DDAH1: variants seen among roughly 807,000 people sequenced by gnomAD.
The protein encoded by DDAH1 is N(G),N(G)-dimethylarginine dimethylaminohydrolase 1.
Under a neutral mutation model 28.8 loss-of-function variants are expected in DDAH1, and 19 were observed. That is an observed-to-expected ratio of 0.66 (90% CI 0.46 to 0.97). The LOEUF (loss-of-function observed/expected upper bound fraction) is 0.97. Ranked by LOEUF, DDAH1 falls within the 50% of genes least tolerant of loss-of-function variation. The pLI is 0.00. For missense variants in DDAH1, 326 were observed against 375.9 expected (o/e 0.87, Z 1.10); for synonymous variants, 153 against 154.4 (o/e 0.99, Z 0.07).
intron 1 of DDAH1, chr1:85,577,944 A>G (rs147449283): frequency 2.0e-6 from 2 of 984,944 alleles, no homozygotes; most frequent in African/African-American, 3.5e-5. Context: ...AGAAACTAGC[A>G]AAAGAGCCAT....
chr1:85,437,130 C>T (rs1653977216), intron 1 of DDAH1, among the ~76,000 whole-genome samples: 1 of 152,110 alleles, frequency 6.6e-6, no homozygotes, highest in South Asian at 2.1e-4. Flanking sequence ...CTGCCTGCCA[C>T]CAGCCCCTCC....
chr1:85,540,249 C>A (rs374869497), intron 1 of DDAH1, among the ~76,000 whole-genome samples: 2 of 152,034 alleles, frequency 1.3e-5, no homozygotes, highest in African/African-American at 4.8e-5. Context: ...GGGGTTACAC[C>A]TTTTAGTCTT....
chr1:85,419,697 T>C (rs948880810), intron 1 of DDAH1, among the ~76,000 whole-genome samples: 3 of 152,156 alleles, frequency 2.0e-5, no homozygotes, highest in Non-Finnish European at 4.4e-5. Context: ...CTTACGTTAG[T>C]ATGATGCATT....
At chr1:85,350,331 G>T in intron 4 of DDAH1, 84 bp downstream of exon 4, 1 of 1,533,508 alleles carries the variant, frequency 6.5e-7, no homozygotes, top group South Asian at 1.3e-5. Context: ...AACCCTGCTT[G>T]TTACTCCCCC....
intron 1 of DDAH1, among the ~76,000 whole-genome samples, chr1:85,502,222 C>A (rs1243435551): frequency 6.6e-6 from 1 of 152,166 alleles, no homozygotes; most frequent in Non-Finnish European, 1.5e-5. Context: ...TTGTTTCTTC[C>A]TCAGAGCTTA....
At chr1:85,329,341 T>C (rs192991063) in intron 4 of DDAH1, among the ~76,000 whole-genome samples, 2 of 152,348 alleles carry the variant, frequency 1.3e-5, no homozygotes, top group Admixed American at 1.3e-4. Flanking sequence ...CCTCACCTCC[T>C]TGAGTGAACA....
intron 1 of DDAH1, among the ~76,000 whole-genome samples, chr1:85,567,787 T>C (rs1280432493): frequency 6.6e-6 from 1 of 152,098 alleles, no homozygotes; most frequent in African/African-American, 2.4e-5. Context: ...TAGTTGGAGA[T>C]TTCAATATTC....
At chr1:85,507,541 G>A (rs879088309) in intron 1 of DDAH1, among the ~76,000 whole-genome samples, 1 of 84,086 alleles carries the variant, frequency 1.2e-5, no homozygotes, top group African/African-American at 4.1e-5. Flanking sequence ...CAAACAAACA[G>A]CATCTCCTAA....
intron 1 of DDAH1, among the ~76,000 whole-genome samples, chr1:85,507,770 G>A (rs1328717084): frequency 6.6e-6 from 1 of 151,986 alleles, no homozygotes; most frequent in Non-Finnish European, 1.5e-5. Context: ...CTTTTAACCT[G>A]GGACAGCTCC....
intron 1 of DDAH1, among the ~76,000 whole-genome samples, chr1:85,441,167 A>G (rs1654172501): frequency 6.6e-6 from 1 of 152,252 alleles, no homozygotes; most frequent in African/African-American, 2.4e-5. Context: ...CTGGATTTTT[A>G]CAGCACTTCT....
chr1:85,321,885 T>C (rs1027441221), intron 5 of DDAH1, among the ~76,000 whole-genome samples: 4 of 152,206 alleles, frequency 2.6e-5, no homozygotes, highest in Non-Finnish European at 4.4e-5. Flanking sequence ...TCAGTCTGAA[T>C]ATTACTTTCT....
At chr1:85,534,177 A>G (rs1418422851) in intron 1 of DDAH1, among the ~76,000 whole-genome samples, 2 of 152,210 alleles carry the variant, frequency 1.3e-5, no homozygotes, top group African/African-American at 4.8e-5. Context: ...CATAAGACAG[A>G]AGTTATCTGC....
In DDAH1 at chr1:85,330,138, G is replaced by A. The variant is rs79334863; in HGVS notation, c.598-5255C>T. 9.3e-4 allele frequency among the ~76,000 whole-genome samples: 141 copies of A among 152,328 alleles called. 1 individual carries two copies. Among genetic ancestry groups the A allele is most frequent in the Middle Eastern group, 3.4e-3 (1 of 294 alleles). On this transcript the variant is annotated intron_variant, in intron 4 of 5. Coordinates refer to ENST00000284031, the MANE Select transcript of DDAH1 (RefSeq NM_012137.4). ...AAGACAGGGTGCTGGCCATTCAGCA[G>A]GGAACATGCAGAGAAAGATGCAGGA...
chr1:85,441,544 A>AAAAG (rs1353551637), intron 1 of DDAH1, among the ~76,000 whole-genome samples: 1 of 151,758 alleles, frequency 6.6e-6, no homozygotes, highest in Non-Finnish European at 1.5e-5. Flanking sequence ...CATCTCAAAA[A>AAAAG]AGAAATCAGT....
intron 4 of DDAH1, among the ~76,000 whole-genome samples, chr1:85,334,657 T>A (rs1309044678): frequency 6.6e-6 from 1 of 152,082 alleles, no homozygotes; most frequent in African/African-American, 2.4e-5. Context: ...CCTTCCACCA[T>A]GATTAGGTTT....
chr1:85,404,567 C>T (rs1460162527), intron 1 of DDAH1: 1 of 1,350,258 alleles, frequency 7.4e-7, no homozygotes, highest in Non-Finnish European at 9.5e-7. Flanking sequence ...AATAGGAGTT[C>T]ATTTTCCAGA....
At chr1:85,329,062 C>T (rs1233099316) in intron 4 of DDAH1, among the ~76,000 whole-genome samples, 1 of 152,234 alleles carries the variant, frequency 6.6e-6, no homozygotes, top group East Asian at 1.9e-4. Flanking sequence ...ACTTTATTCA[C>T]TGGATCTAGC....
chr1:85,550,229 G>A (rs1184397133), intron 1 of DDAH1, among the ~76,000 whole-genome samples: 2 of 152,086 alleles, frequency 1.3e-5, no homozygotes, highest in Non-Finnish European at 2.9e-5. Flanking sequence ...ACCTGTCTAG[G>A]AAACAAGGAC....
chr1:85,518,766 T>G (rs1657562445), intron 1 of DDAH1, among the ~76,000 whole-genome samples: 1 of 152,200 alleles, frequency 6.6e-6, no homozygotes, highest in Non-Finnish European at 1.5e-5. Context: ...TTCCAGGGAT[T>G]TGGACATAGA....
Sources: gnomAD v4.1 joint callset for allele counts (sites outside exome capture counted in the v4.1 genomes callset) on GRCh38, gnomAD v4.1.1 for gene constraint, MANE v1.5 for transcripts, NCBI Gene and HGNC (gene_info 2026-07-23, HGNC 2026-07-21) for gene names.